The following GRK6 variants were observed in gnomAD, a reference collection of about 807,000 sequenced individuals.
GRK6 encodes the protein G protein-coupled receptor kinase 6.
In GRK6, 37 loss-of-function variants were observed where a neutral mutation model predicts 80.8. The observed-to-expected ratio is 0.46, with a 90% CI of 0.35 to 0.60. The LOEUF is 0.60. Ranked by LOEUF, GRK6 falls within the 20% of genes least tolerant of loss-of-function variation. The pLI, the probability that GRK6 is intolerant of heterozygous loss-of-function variation, is 0.00. For missense variants in GRK6, 560 were observed against 784.6 expected (o/e 0.71, Z 3.42); for synonymous variants, 295 against 320.9 (o/e 0.92, Z 0.86).
chr5:177,441,357 C>T, intron 15 of GRK6: 1 of 1,360,866 alleles, frequency 7.3e-7, no homozygotes, highest in Non-Finnish European at 1.0e-6. Context: ...CTGGTGCCCG[C>T]CCCACTCCCC....
At chr5:177,432,902 G>C (rs1294879965) in intron 5 of GRK6, 96 bp downstream of exon 5, 1 of 1,034,002 alleles carries the variant, frequency 9.7e-7, no homozygotes, top group African/African-American at 1.6e-5. Flanking sequence ...GCTGGTGAGG[G>C]AGCTCAGCTG....
chr5:177,440,565 A>G (rs1031477658), intron 13 of GRK6, 135 bp from the exon 14 acceptor site: 3 of 1,029,224 alleles, frequency 2.9e-6, no homozygotes, highest in Non-Finnish European at 4.3e-6. Context: ...TGCGTGGGGC[A>G]CCTGGTTTCT....
chr5:177,436,644 T>C (rs1321767854), intron 13 of GRK6, 114 bp downstream of exon 13: 1 of 988,056 alleles, frequency 1.0e-6, no homozygotes, highest in East Asian at 2.5e-5. Flanking sequence ...AACAATCTAG[T>C]GGCTTAGCCA....
At chr5:177,427,113 G>C (rs536238109) in intron 1 of GRK6, among the ~76,000 whole-genome samples, 1 of 152,110 alleles carries the variant, frequency 6.6e-6, no homozygotes, top group Non-Finnish European at 1.5e-5. Flanking sequence ...TCAGGCCGCC[G>C]CCCTCGCGGC....
rs377555690 is a variant in GRK6, at chr5:177,431,957, C to T, written c.149-38C>T. On this transcript the variant is annotated intron_variant, in intron 2 of 15. Coordinates refer to ENST00000355472, the MANE Select transcript of GRK6 (RefSeq NM_001004106.3). ...GGCACATGCCCCACCCATGTGCTCT[C>T]GGGCTGTGGACCCAGCAGCTTCCAT... 8.1e-5 allele frequency: 128 copies of T among 1,581,854 alleles called. No homozygotes were observed. The African/African-American group carries it at 1.2e-3, about 15-fold the overall frequency.
At position 177,428,841 on chromosome 5, in the gene GRK6, C is replaced by T. The variant is rs527245145; in HGVS notation, c.52+1944C>T. Among the ~76,000 whole-genome samples, 1 of 152,278 alleles carries T rather than the reference C, an allele frequency of 6.6e-6. No homozygotes were observed. The highest frequency in any genetic ancestry group is 1.9e-4 in the East Asian group (1 of 5,192). On this transcript the variant is annotated intron_variant, in intron 1 of 15. Coordinates refer to ENST00000355472, the MANE Select transcript of GRK6 (RefSeq NM_001004106.3). This position sits in a 1 kb window ranked among gnomAD's most constrained non-coding sequence, Gnocchi z 4.1. ...ATTGTCACTGAGTCCTGAGCCCAGGCGCCTGGACGGGCTGCATCAGAACCA... is the reference window on the plus strand; with the variant it reads ...ATTGTCACTGAGTCCTGAGCCCAGGTGCCTGGACGGGCTGCATCAGAACCA...
Position 177,432,791 on chromosome 5 carries a change from T to C in GRK6, c.425T>C (p.Phe142Ser). The part of the protein sequence containing the change: ...RLEQGPCKDL[F>S]QELTRLTHEY... The stretch of plus-strand genomic sequence containing the variant: ...GAGCAGGGTCCCTGCAAAGACCTTT[T>C]CCAGGAACTCACCCGGTAAGCCTGT... Residue 142 changes from phenylalanine to serine, a missense_variant, in exon 5 of 16, where the codon TTC (phenylalanine) becomes TCC (serine). By Grantham distance (155) the Phe-to-Ser change is radical (BLOSUM62 -2). Around this residue, in one of 3 missense-constraint regions of GRK6, gnomAD observed 189 missense variants for 230.2 expected, o/e 0.82. Coordinates refer to ENST00000355472, the MANE Select transcript of GRK6 (RefSeq NM_001004106.3). The C allele has an allele frequency of 1.2e-6, 2 of 1,611,832 alleles. No individual in the cohort carries two copies. Among genetic ancestry groups the C allele is most frequent in the Non-Finnish European group, 1.7e-6 (2 of 1,178,992 alleles).
rs1333960432 is a variant in GRK6, at chr5:177,428,428, C to T, written c.52+1531C>T. On this transcript the variant is annotated intron_variant, in intron 1 of 15. Transcript: ENST00000355472. The surrounding 1 kb of genome is among the most constrained non-coding windows in gnomAD (Gnocchi z 4.1). ...TACGACAACCTGGCTCTGCCCCTCC[C>T]ACCTGCATGGCTTTTTTTTGAGACA... Among the ~76,000 whole-genome samples the T allele has an allele frequency of 1.3e-5, 2 of 152,222 alleles. No homozygotes were observed. Among genetic ancestry groups the T allele is most frequent in the Non-Finnish European group, 2.9e-5 (2 of 68,026 alleles).
chr5:177,433,738 C>A (rs1764014817), intron 8 of GRK6, 62 bp downstream of exon 8: 5 of 1,589,092 alleles, frequency 3.1e-6, no homozygotes, highest in Non-Finnish European at 4.3e-6. Flanking sequence ...CCGTCCCCAC[C>A]CCCCAGGCCC....
At chr5:177,430,441 A>G (rs909676713) in intron 1 of GRK6, among the ~76,000 whole-genome samples, 2 of 151,920 alleles carry the variant, frequency 1.3e-5, no homozygotes, top group Non-Finnish European at 2.9e-5. Context: ...GAGGCCTGGG[A>G]GCCTCCTTGT....
chr5:177,433,352 CAGTGACCA>C lies in GRK6; in HGVS notation c.541_548del (p.Val181LysfsTer27). On this transcript the variant is annotated frameshift_variant, in exon 7 of 16. Coordinates refer to ENST00000355472, the MANE Select transcript of GRK6 (RefSeq NM_001004106.3). LOFTEE classifies it high-confidence loss of function. ...TTCCCCACCCCTTGCCACAGGCAGC[CAGTGACCA>C]AAAACACCTTCAGGCAATACCGAGT... The C allele has an allele frequency of 6.2e-7, 1 of 1,613,990 alleles. No individual in the cohort carries two copies.
chr5:177,438,734 G>A (rs1282477842), intron 13 of GRK6: 3 of 152,270 alleles, frequency 2.0e-5, no homozygotes, highest in Admixed American at 2.0e-4. Context: ...GAGTGGAAGT[G>A]GGGAGGCCAG....
chr5:177,439,099 C>G (rs1470373354), intron 13 of GRK6, among the ~76,000 whole-genome samples: 1 of 152,178 alleles, frequency 6.6e-6, no homozygotes, highest in Non-Finnish European at 1.5e-5. Context: ...TCTGGATCTT[C>G]CATTCAAAGT....
chr5:177,432,817 C>G lies in GRK6; in HGVS notation c.440+11C>G. 6.3e-7 allele frequency: 1 copy of G among 1,594,172 alleles called. No individual in the cohort carries two copies. Among genetic ancestry groups the G allele is most frequent in the Non-Finnish European group, 8.6e-7 (1 of 1,164,604 alleles). ...CCAGGAACTCACCCGGTAAGCCTGT[C>G]CCTGCCCACAAGCCTGGAATTATGC... On this transcript the variant is annotated intron_variant, in intron 5 of 15. Coordinates refer to ENST00000355472, the MANE Select transcript of GRK6 (RefSeq NM_001004106.3).
intron 13 of GRK6, among the ~76,000 whole-genome samples, chr5:177,437,202 G>A (rs967603640): frequency 1.3e-5 from 2 of 152,084 alleles, no homozygotes; most frequent in Non-Finnish European, 2.9e-5. Context: ...TGATCCTCTT[G>A]CCTCGGCCTC....
rs780788481 is a variant in GRK6 at position 177,433,906 on chromosome 5, G to T, written c.739-8G>T. 1 of 1,553,974 alleles carries T rather than the reference G, an allele frequency of 6.4e-7. No homozygotes were observed. Among genetic ancestry groups the T allele is most frequent in the Non-Finnish European group, 8.7e-7 (1 of 1,147,848 alleles). On this transcript the variant is annotated splice_region_variant and splice_polypyrimidine_tract_variant and intron_variant, in intron 8 of 15. Transcript: ENST00000355472. ...CCTGCCTGAGGGCTCGGGTCCCCTCGGCCACAGGTGAGCTTGGCCTACGCC... is the reference window on the plus strand; with the variant it reads ...CCTGCCTGAGGGCTCGGGTCCCCTCTGCCACAGGTGAGCTTGGCCTACGCC...
intron 1 of GRK6, among the ~76,000 whole-genome samples, chr5:177,430,146 A>G (rs951174601): frequency 1.3e-5 from 2 of 152,210 alleles, no homozygotes; most frequent in African/African-American, 4.8e-5. Flanking sequence ...GCAGCAATCA[A>G]GCAATCAGCT....
intron 8 of GRK6, 67 bp downstream of exon 8, chr5:177,433,743 A>C (rs1380532619): frequency 1.3e-6 from 2 of 1,582,530 alleles, no homozygotes; most frequent in African/African-American, 2.7e-5. Flanking sequence ...CCCACCCCCC[A>C]GGCCCCACCC....
At chr5:177,425,847 G>C (rs1763628764), upstream of GRK6, among the ~76,000 whole-genome samples, 1 of 152,258 alleles carries the variant, frequency 6.6e-6, no homozygotes, top group Non-Finnish European at 1.5e-5. Flanking sequence ...TTTCAGCCTT[G>C]TTTTCTCCGT....
Sources: allele counts gnomAD v4.1 joint callset (sites outside exome capture counted in the v4.1 genomes callset), GRCh38; gene constraint gnomAD v4.1.1; regional missense constraint gnomAD v4.1.1; non-coding constraint Gnocchi (gnomAD v3.1); transcripts MANE v1.5; gene names NCBI Gene and HGNC (gene_info 2026-07-23, HGNC 2026-07-21).